Variants in SLC24A3 observed in about 807,000 individuals in gnomAD.
SLC24A3 encodes the protein sodium/potassium/calcium exchanger 3.
A neutral mutation model predicts 75.8 loss-of-function variants in SLC24A3; 28 were observed. That is an observed-to-expected ratio of 0.37 (90% confidence interval 0.27 to 0.51). The LOEUF (loss-of-function observed/expected upper bound fraction) is 0.51, where lower values mean the gene tolerates loss of function less well. SLC24A3 is among the 20% of genes least tolerant of loss of function. The pLI is 0.94. For synonymous variants in SLC24A3, 372 were observed against 334.1 expected (o/e 1.11, Z -1.24); for missense variants, 663 against 847.8 (o/e 0.78, Z 2.71).
At chr20:19,692,522 T>C (rs1439913458) in intron 12 of SLC24A3, among the ~76,000 whole-genome samples, 2 of 152,138 alleles carry the variant, frequency 1.3e-5, no homozygotes, top group Admixed American at 6.5e-5. Flanking sequence ...CACGAAAACA[T>C]CCTATATGGT....
chr20:19,575,873 G>A (rs2031127667), intron 3 of SLC24A3, among the ~76,000 whole-genome samples: 1 of 152,216 alleles, frequency 6.6e-6, no homozygotes, highest in Admixed American at 6.5e-5. Flanking sequence ...CTCACTGTCT[G>A]CAGTTGGAGA....
intron 2 of SLC24A3, among the ~76,000 whole-genome samples, chr20:19,493,512 T>C (rs1402469038): frequency 8.5e-5 from 13 of 152,330 alleles, no homozygotes; most frequent in Admixed American, 7.8e-4. Flanking sequence ...AATAATCATA[T>C]GTATGCTTCT....
chr20:19,649,590 G>GT (rs886527112), intron 6 of SLC24A3, among the ~76,000 whole-genome samples: 18 of 151,372 alleles, frequency 1.2e-4, no homozygotes, highest in East Asian at 9.7e-4. Context: ...ACTGTTTTTT[G>GT]TTTTTTTTGT....
At chr20:19,610,512 G>A (rs2031658869) in intron 6 of SLC24A3, among the ~76,000 whole-genome samples, 3 of 152,300 alleles carry the variant, frequency 2.0e-5, no homozygotes, top group South Asian at 4.1e-4. Context: ...AAATCTTGGA[G>A]CCTTTTTTCT....
At chr20:19,643,146 C>T (rs1388880865) in intron 6 of SLC24A3, among the ~76,000 whole-genome samples, 4 of 152,284 alleles carry the variant, frequency 2.6e-5, no homozygotes, top group South Asian at 2.1e-4. Context: ...TAAGAGAAGA[C>T]GGTGGCCGGC....
chr20:19,403,307 T>C (rs1986584852), intron 2 of SLC24A3, among the ~76,000 whole-genome samples: 1 of 152,222 alleles, frequency 6.6e-6, no homozygotes, highest in African/African-American at 2.4e-5. Flanking sequence ...TCATTATTCC[T>C]TCAAGAAATC....
At chr20:19,477,063 G>A (rs1390844606) in intron 2 of SLC24A3, among the ~76,000 whole-genome samples, 1 of 152,046 alleles carries the variant, frequency 6.6e-6, no homozygotes, top group Non-Finnish European at 1.5e-5. Context: ...TAAGGACTGT[G>A]GTCCTCACTC....
chr20:19,468,921 C>A (rs117848138), intron 2 of SLC24A3, among the ~76,000 whole-genome samples: 1 of 151,918 alleles, frequency 6.6e-6, no homozygotes, highest in Non-Finnish European at 1.5e-5. Flanking sequence ...AGGAAGGGAA[C>A]GGTGGGTAAT....
intron 2 of SLC24A3, among the ~76,000 whole-genome samples, chr20:19,435,279 A>G (rs1342122166): frequency 6.6e-6 from 1 of 152,236 alleles, no homozygotes; most frequent in Non-Finnish European, 1.5e-5. Context: ...CACCTACTCC[A>G]TCACTTCACT....
intron 6 of SLC24A3, among the ~76,000 whole-genome samples, chr20:19,602,256 A>T (rs1160120191): frequency 1.3e-5 from 2 of 152,176 alleles, no homozygotes; most frequent in Non-Finnish European, 2.9e-5. Flanking sequence ...TGTTGTTTAT[A>T]TACATTATTT....
chr20:19,262,003 T>A (rs527746276), intron 1 of SLC24A3: 1 of 152,230 alleles, frequency 6.6e-6, no homozygotes, highest in East Asian at 1.9e-4. Flanking sequence ...GGACCCAGTG[T>A]TGTTTTCTCC....
At chr20:19,509,246 A>T (rs1460390318) in intron 2 of SLC24A3, among the ~76,000 whole-genome samples, 3 of 152,212 alleles carry the variant, frequency 2.0e-5, no homozygotes, top group Non-Finnish European at 2.9e-5. Context: ...GTGGGATCTT[A>T]TTCAAAATCT....
At chr20:19,494,868 G>A (rs1988260477) in intron 2 of SLC24A3, among the ~76,000 whole-genome samples, 1 of 152,232 alleles carries the variant, frequency 6.6e-6, no homozygotes, top group African/African-American at 2.4e-5. Flanking sequence ...CAACTGAAGA[G>A]GTTGTCTCGG....
At chr20:19,451,949 C>T (rs1352666982) in intron 2 of SLC24A3, among the ~76,000 whole-genome samples, 3 of 152,176 alleles carry the variant, frequency 2.0e-5, no homozygotes, top group Non-Finnish European at 4.4e-5. Flanking sequence ...AGCCTCCCTC[C>T]CCATCCCGTT....
chr20:19,485,983 G>C (rs537283522), intron 2 of SLC24A3, among the ~76,000 whole-genome samples: 1 of 152,306 alleles, frequency 6.6e-6, no homozygotes, highest in East Asian at 1.9e-4. Flanking sequence ...ACTGTTACCT[G>C]CAAGGGGTCT....
intron 3 of SLC24A3, among the ~76,000 whole-genome samples, chr20:19,533,536 G>A (rs572824254): frequency 1.3e-5 from 2 of 152,192 alleles, no homozygotes; most frequent in East Asian, 1.9e-4. Context: ...GCCAGGTGAA[G>A]GGGTCAAGGA....
intron 2 of SLC24A3, among the ~76,000 whole-genome samples, chr20:19,398,383 C>A (rs1353035416): frequency 6.6e-6 from 1 of 152,158 alleles, no homozygotes; most frequent in Non-Finnish European, 1.5e-5. Context: ...TTTTACAGAT[C>A]TGACACATCT....
chr20:19,442,399 C>CAA lies in SLC24A3; in HGVS notation c.272-73088_272-73087insAA, dbSNP rs565261944. On this transcript the variant is annotated intron_variant, in intron 2 of 16. Transcript: ENST00000328041. The stretch of plus-strand genomic sequence containing the variant: ...TGGTGTCAGTCTTTTGGATTTTGGC[C>CAA]ACTCTAATAGGTGCATAGTTGTATC... Among the ~76,000 whole-genome samples the CAA allele has an allele frequency of 1.7e-4, 26 of 152,240 alleles. No homozygotes were observed. In the East Asian group the frequency reaches 4.2e-3, roughly 25 times the overall value.
chr20:19,671,497 G>T (rs2032466324), intron 8 of SLC24A3, among the ~76,000 whole-genome samples: 1 of 152,168 alleles, frequency 6.6e-6, no homozygotes, highest in African/African-American at 2.4e-5. Context: ...AGAAGTCAGT[G>T]ATTGATGAAA....
Sources: allele counts gnomAD v4.1 joint callset (sites outside exome capture counted in the v4.1 genomes callset), GRCh38; gene constraint gnomAD v4.1.1; transcripts MANE v1.5; gene names NCBI Gene and HGNC (gene_info 2026-07-23, HGNC 2026-07-21).